Variants in PLCB3 observed in about 807,000 individuals in gnomAD.
PLCB3 encodes the protein 1-phosphatidylinositol 4,5-bisphosphate phosphodiesterase beta-3.
Under a neutral mutation model 152.1 loss-of-function variants are expected in PLCB3, and 54 were observed. That is an observed-to-expected ratio of 0.36 (90% CI 0.29 to 0.45). The LOEUF is 0.45. Ranked by LOEUF, PLCB3 falls within the 20% of genes least tolerant of loss-of-function variation. The pLI, the probability that PLCB3 is intolerant of heterozygous loss-of-function variation, is 1.00. For missense variants in PLCB3, 1,248 were observed against 1,687.5 expected, an observed-to-expected ratio of 0.74 and a Z score of 4.56; for synonymous variants, 717 against 698.7, an observed-to-expected ratio of 1.03 and a Z score of -0.41.
Position 64,256,170 on chromosome 11 carries a change from T to C in PLCB3, c.699-206T>C, listed in dbSNP as rs867091859. ...CCTGGCCATTGCTGGTGCCCACTAG[T>C]CTGCTGCCTTGACAATCCTGAGTAG... is the stretch of plus-strand genomic sequence containing the variant. On this transcript the variant is annotated intron_variant, in intron 8 of 30. Transcript: ENST00000279230. 1.4e-3 allele frequency among the ~76,000 whole-genome samples: 212 copies of C among 152,172 alleles called. 1 individual carries two copies. The highest frequency in any genetic ancestry group is 4.9e-3 in the African/African-American group (202 of 41,512).
At chr11:64,253,581 C>T (rs769297938) in intron 1 of PLCB3, among the ~76,000 whole-genome samples, 13 of 152,222 alleles carry the variant, frequency 8.5e-5, no homozygotes, top group Non-Finnish European at 1.3e-4. Flanking sequence ...GAGGGTTCTA[C>T]CTGTAGCCAC....
chr11:64,269,347 C>G (rs1324911481), downstream of PLCB3, among the ~76,000 whole-genome samples: 1 of 152,270 alleles, frequency 6.6e-6, no homozygotes, highest in Admixed American at 6.5e-5. Flanking sequence ...GTGCCCGGCA[C>G]CAAGAACCGG....
chr11:64,263,313 T>C (rs1189855827), intron 19 of PLCB3, 185 bp from the exon 20 acceptor site: 1 of 576,348 alleles, frequency 1.7e-6, no homozygotes, highest in African/African-American at 1.9e-5. Context: ...GCTGCAGTCA[T>C]CCATTAGGCC....
Position 64,265,479 on chromosome 11 carries a change from G to A in PLCB3, c.3012G>A (p.Arg1004=). The A allele has an allele frequency of 6.2e-7, 1 of 1,604,596 alleles. No homozygotes were observed. The highest frequency in any genetic ancestry group is 1.1e-5 in the South Asian group (1 of 90,874). ...TGGCTCAGGCACAGGCTGAGGGCAG[G>A]TGCCGGCTGCGGCCAGGTGCCCTGT... The part of the protein sequence containing the change: ...DGLAQAQAEG[R]CRLRPGALGG... The change falls in exon 25 of 31, where the codon AGG becomes AGA. Residue 1004 remains arginine, a synonymous_variant. Coordinates refer to ENST00000279230, the MANE Select transcript of PLCB3 (RefSeq NM_000932.5).
At chr11:64,253,859 A>T (rs535513696) in intron 1 of PLCB3, among the ~76,000 whole-genome samples, 2 of 152,182 alleles carry the variant, frequency 1.3e-5, no homozygotes, top group East Asian at 3.9e-4. Flanking sequence ...GGCTGTGAGG[A>T]CCCCGGCAGA....
In PLCB3 at chr11:64,262,096, A is replaced by G. The variant is rs771987105; in HGVS notation, c.2038+20A>G. 6.2e-7 allele frequency: 1 copy of G among 1,613,736 alleles called. No homozygotes were observed. The highest frequency in any genetic ancestry group is 2.2e-5 in the East Asian group (1 of 44,872). ...CCCTCGGTGAGCCCTGGCCCCCTCC[A>G]TCTTGACCCCGACCCTCAGTCTTAC... On this transcript the variant is annotated intron_variant, in intron 17 of 30. Coordinates refer to ENST00000279230, the MANE Select transcript of PLCB3 (RefSeq NM_000932.5).
intron 10 of PLCB3, among the ~76,000 whole-genome samples, chr11:64,257,089 C>T (rs887618792): frequency 6.7e-6 from 1 of 148,512 alleles, no homozygotes; most frequent in African/African-American, 2.5e-5. Flanking sequence ...AGCGCAACCT[C>T]TGCCTCCCAG....
chr11:64,259,909 T>G, intron 13 of PLCB3, 120 bp from the exon 14 acceptor site: 2 of 801,936 alleles, frequency 2.5e-6, no homozygotes, highest in Non-Finnish European at 4.0e-6. Flanking sequence ...CACACTGCCC[T>G]GAGAGTACCC....
chr11:64,257,012 T>TC (rs2031572666), intron 10 of PLCB3, among the ~76,000 whole-genome samples: 1 of 138,686 alleles, frequency 7.2e-6, no homozygotes, highest in Non-Finnish European at 1.6e-5. Flanking sequence ...TTTTTTTTTT[T>TC]TTTTTTTTTG....
chr11:64,258,949 G>C lies in PLCB3; in HGVS notation c.1318G>C (p.Glu440Gln). The change falls in exon 12 of 31, where the codon GAG becomes CAG. Residue 440 changes from glutamate to glutamine, a missense_variant. By Grantham distance (29) the Glu-to-Gln change is conservative. This residue lies in a region of PLCB3 where 122 missense variants were observed against 221.8 expected (regional missense o/e 0.55). Transcript: ENST00000279230. This position sits in a 1 kb window ranked among gnomAD's most constrained non-coding sequence, Gnocchi z 7.2. ...RSIFGDALLI[E>Q]PLDKYPLAPG... Reference sequence around the variant, plus strand: ...CATCTTTGGAGACGCGCTACTCATCGAGCCTCTGGACAAGTACCCGGTACG... The same window carrying C: ...CATCTTTGGAGACGCGCTACTCATCCAGCCTCTGGACAAGTACCCGGTACG... The C allele has an allele frequency of 6.2e-7, 1 of 1,613,954 alleles. No homozygotes were observed. The highest frequency in any genetic ancestry group is 8.5e-7 in the Non-Finnish European group (1 of 1,179,998).
At position 64,259,143 on chromosome 11, in the gene PLCB3, C is replaced by G; in HGVS notation, c.1424C>G (p.Ala475Gly). Residue 475 changes from alanine to glycine, a missense_variant, in exon 13 of 31, where the codon GCA (alanine) becomes GGA (glycine). Physicochemically the swap from Ala to Gly is moderately conservative, Grantham distance 60 (BLOSUM62 0). Coordinates refer to ENST00000279230, the MANE Select transcript of PLCB3 (RefSeq NM_000932.5). Reference sequence around the variant, plus strand: ...AACAAGAAGCGGCACCGACCCAGCGCAGGTGGCCCAGACAGCGCCGGGCGC... The same window carrying G: ...AACAAGAAGCGGCACCGACCCAGCGGAGGTGGCCCAGACAGCGCCGGGCGC... ...VKNKKRHRPS[A>G]GGPDSAGRKR... The G allele has an allele frequency of 5.6e-6, 9 of 1,610,898 alleles. No homozygotes were observed. The highest frequency in any genetic ancestry group is 7.6e-6 in the Non-Finnish European group (9 of 1,178,948).
At chr11:64,254,097 G>A (rs1335820688) in intron 1 of PLCB3, among the ~76,000 whole-genome samples, 1 of 152,174 alleles carries the variant, frequency 6.6e-6, no homozygotes, top group Non-Finnish European at 1.5e-5. Flanking sequence ...CAGATTTCAC[G>A]GGTGGAGAAG....
chr11:64,257,625 A>C (rs1213346909), intron 10 of PLCB3, among the ~76,000 whole-genome samples: 1 of 151,692 alleles, frequency 6.6e-6, no homozygotes, highest in Non-Finnish European at 1.5e-5. Context: ...TTTCTAAAAA[A>C]AAAAATTAAA....
Position 64,251,805 on chromosome 11 carries a change from A to G in PLCB3, c.99+57A>G, listed in dbSNP as rs546060455. On this transcript the variant is annotated intron_variant, in intron 1 of 30. Transcript: ENST00000279230. ...CCCGGGACTCTTTCAGTCAAGCTCGACCAGACGCTGGGGACCCCCACCCCA... is the reference window on the plus strand; with the variant it reads ...CCCGGGACTCTTTCAGTCAAGCTCGGCCAGACGCTGGGGACCCCCACCCCA... The G allele has an allele frequency of 4.7e-6, 5 of 1,066,778 alleles. No individual in the cohort carries two copies. The East Asian group carries it at 1.6e-4, about 35-fold the overall frequency. 66.1% of individuals were successfully genotyped at this position (1,066,778 alleles called of 1,614,324 possible).
downstream of PLCB3, chr11:64,268,517 G>GGCCC (rs2032253491): frequency 6.6e-6 from 1 of 152,418 alleles, no homozygotes; most frequent in East Asian, 1.9e-4. Context: ...AGGAGACTGA[G>GGCCC]GCCCGGAGCC....
At chr11:64,264,545 C>T (rs566202849) in intron 22 of PLCB3, among the ~76,000 whole-genome samples, 5 of 151,976 alleles carry the variant, frequency 3.3e-5, no homozygotes, top group East Asian at 1.9e-4. Context: ...GAGCTGTTAG[C>T]GGAGAGGCTG....
In PLCB3 at chr11:64,262,573, G is replaced by A. The variant is rs750525155; in HGVS notation, c.2193+12G>A. On this transcript the variant is annotated intron_variant, in intron 18 of 30. Coordinates refer to ENST00000279230, the MANE Select transcript of PLCB3 (RefSeq NM_000932.5). ...CCTTGCGGGTCAAGGTGGGGCTTGC[G>A]GGCGGCTCAGGCCAGGGGTGTCCTG... 9.9e-6 allele frequency: 16 copies of A among 1,612,844 alleles called. No homozygotes were observed. The Admixed American group carries it at 1.0e-4, about 10-fold the overall frequency.
At position 64,256,712 on chromosome 11, in the gene PLCB3, C is replaced by G. The variant is rs1416021270; in HGVS notation, c.960C>G (p.Thr320=). The G allele has an allele frequency of 1.9e-6, 3 of 1,614,090 alleles. No individual in the cohort carries two copies. In the African/African-American group the frequency reaches 4.0e-5, roughly 22 times the overall value. The change falls in exon 10 of 31, where the codon ACC becomes ACG. Residue 320 remains threonine (T), a synonymous_variant. Transcript: ENST00000279230. The part of the protein sequence containing the change: ...LEALDLSTDM[T]QPLSAYFINS... ...CCCTGGATCTGAGCACGGACATGACCCAGCCACTGAGTGCCTACTTCATCA... is the reference window on the plus strand; with the variant it reads ...CCCTGGATCTGAGCACGGACATGACGCAGCCACTGAGTGCCTACTTCATCA...
downstream of PLCB3, chr11:64,268,686 G>A (rs1227854033): frequency 2.6e-5 from 4 of 152,362 alleles, no homozygotes; most frequent in African/African-American, 9.6e-5. Flanking sequence ...CGGGCTCCAG[G>A]GCGGGGCTGG....
Sources: gnomAD v4.1 joint callset for allele counts (sites outside exome capture counted in the v4.1 genomes callset) on GRCh38, gnomAD v4.1.1 for gene constraint, gnomAD v4.1.1 regional missense constraint, Gnocchi (gnomAD v3.1) non-coding constraint, MANE v1.5 for transcripts, NCBI Gene and HGNC (gene_info 2026-07-23, HGNC 2026-07-21) for gene names.